BBS9: variants seen among roughly 807,000 people sequenced by gnomAD.
BBS9 encodes Bardet-Biedl syndrome 9.
Under a neutral mutation model 117.7 loss-of-function variants are expected in BBS9, and 89 were observed. The ratio of observed to expected loss-of-function variants is 0.76; its 90% CI spans 0.64 to 0.90. The LOEUF is 0.90. BBS9 is among the 40% of genes least tolerant of loss of function. The pLI is 0.00. For synonymous variants in BBS9, 379 were observed against 370.9 expected (o/e 1.02, Z -0.25); for missense variants, 982 against 1,042.2 (o/e 0.94, Z 0.80).
At chr7:33,304,679 C>T (rs906252040) in intron 9 of BBS9, among the ~76,000 whole-genome samples, 16 of 151,832 alleles carry the variant, frequency 1.1e-4, no homozygotes, top group African/African-American at 2.7e-4. Context: ...ATGACGATGG[C>T]GGTTTTGTCG....
intron 17 of BBS9, among the ~76,000 whole-genome samples, chr7:33,369,118 C>T (rs184728869): frequency 1.3e-5 from 2 of 152,158 alleles, no homozygotes; most frequent in African/African-American, 4.8e-5. Context: ...ACTGTAAGTA[C>T]ATAGCACCAT....
chr7:33,561,401 C>CA (rs1400604840), intron 21 of BBS9, among the ~76,000 whole-genome samples: 1 of 152,150 alleles, frequency 6.6e-6, no homozygotes, highest in Non-Finnish European at 1.5e-5. Context: ...CAAGATAGCT[C>CA]AAAGGATGGA....
intron 9 of BBS9, among the ~76,000 whole-genome samples, chr7:33,294,112 A>G (rs989661799): frequency 1.2e-4 from 19 of 152,180 alleles, no homozygotes; most frequent in African/African-American, 4.3e-4. Flanking sequence ...AGCCAGTACA[A>G]ATAATTTATT....
At chr7:33,557,464 T>C (rs577748196) in intron 21 of BBS9, among the ~76,000 whole-genome samples, 2 of 152,310 alleles carry the variant, frequency 1.3e-5, no homozygotes, top group Admixed American at 6.5e-5. Context: ...AAAGGTACCA[T>C]ACTTTGATTT....
chr7:33,232,538 A>G (rs921550448), intron 5 of BBS9, among the ~76,000 whole-genome samples: 6 of 152,076 alleles, frequency 3.9e-5, no homozygotes, highest in Non-Finnish European at 5.9e-5. Flanking sequence ...TTAAGAAAAT[A>G]AAGATGCTAG....
chr7:33,308,061 G>A (rs1423893142), intron 9 of BBS9, among the ~76,000 whole-genome samples: 1 of 152,158 alleles, frequency 6.6e-6, no homozygotes, highest in Non-Finnish European at 1.5e-5. Context: ...GGCTGGGATT[G>A]GGATTTCATT....
chr7:33,236,374 A>T (rs1057478546), intron 5 of BBS9, among the ~76,000 whole-genome samples: 2 of 151,440 alleles, frequency 1.3e-5, no homozygotes, highest in Non-Finnish European at 2.9e-5. Flanking sequence ...TTAAATGAAT[A>T]CAAAACAATT....
chr7:33,560,144 T>C (rs1029024006), intron 21 of BBS9, among the ~76,000 whole-genome samples: 7 of 152,196 alleles, frequency 4.6e-5, no homozygotes, highest in African/African-American at 1.4e-4. Context: ...ATGTGTTTTG[T>C]GGCTTTGGTA....
At chr7:33,621,269 G>C (rs776987904) in intron 21 of BBS9, among the ~76,000 whole-genome samples, 28 of 152,108 alleles carry the variant, frequency 1.8e-4, no homozygotes, top group Admixed American at 3.9e-4. Context: ...ACAACCTATG[G>C]AATGGGGAAA....
At chr7:33,541,744 T>A (rs1340139767) in intron 21 of BBS9, among the ~76,000 whole-genome samples, 1 of 152,160 alleles carries the variant, frequency 6.6e-6, no homozygotes, top group South Asian at 2.1e-4. Context: ...ATGTCCAGAA[T>A]AGGCAAATTC....
intron 9 of BBS9, among the ~76,000 whole-genome samples, chr7:33,291,135 G>C (rs1463961858): frequency 6.6e-6 from 1 of 151,920 alleles, no homozygotes; most frequent in African/African-American, 2.4e-5. Context: ...TTTCTGTTTT[G>C]ATATTTTTAT....
chr7:33,130,384 A>G (rs1789395103), intron 1 of BBS9, among the ~76,000 whole-genome samples: 1 of 152,196 alleles, frequency 6.6e-6, no homozygotes, highest in Non-Finnish European at 1.5e-5. Flanking sequence ...AATACCCCCA[A>G]TCCTTCTAGT....
At chr7:33,584,435 C>T (rs1231172866) in intron 21 of BBS9, among the ~76,000 whole-genome samples, 3 of 152,086 alleles carry the variant, frequency 2.0e-5, no homozygotes, top group East Asian at 3.9e-4. Context: ...GTCTGCTTTA[C>T]TTATAAATTT....
intron 21 of BBS9, among the ~76,000 whole-genome samples, chr7:33,565,195 T>A (rs1856662576): frequency 6.6e-6 from 1 of 152,192 alleles, no homozygotes; most frequent in Non-Finnish European, 1.5e-5. Flanking sequence ...CATTGTCTTC[T>A]GTCCTTCCTA....
intron 5 of BBS9, among the ~76,000 whole-genome samples, chr7:33,224,086 T>C (rs2128243487): frequency 6.6e-6 from 1 of 152,304 alleles, no homozygotes; most frequent in African/African-American, 2.4e-5. Context: ...TTAGTCAGAT[T>C]TGTATTTTTA....
At chr7:33,253,551 G>A (rs1428518370) in intron 5 of BBS9, among the ~76,000 whole-genome samples, 4 of 152,170 alleles carry the variant, frequency 2.6e-5, no homozygotes, top group African/African-American at 9.7e-5. Flanking sequence ...GGAGGAGGTT[G>A]CAGTGAGCCA....
At chr7:33,283,860 C>T (rs952360176) in intron 9 of BBS9, among the ~76,000 whole-genome samples, 1 of 152,126 alleles carries the variant, frequency 6.6e-6, no homozygotes, top group Non-Finnish European at 1.5e-5. Context: ...TTCACCTTCT[C>T]ACTCTGTTTA....
chr7:33,348,394 T>A (rs1250698869), intron 12 of BBS9, among the ~76,000 whole-genome samples: 1 of 152,236 alleles, frequency 6.6e-6, no homozygotes, highest in African/African-American at 2.4e-5. Context: ...TCATTAATGT[T>A]ATTCATAATG....
At chr7:33,522,505 G>C (rs1848783298) in intron 20 of BBS9, among the ~76,000 whole-genome samples, 1 of 152,048 alleles carries the variant, frequency 6.6e-6, no homozygotes, top group Non-Finnish European at 1.5e-5. Context: ...CAGTGATGAT[G>C]AGCATTTTTT....
Sources: gnomAD v4.1 joint callset for allele counts (sites outside exome capture counted in the v4.1 genomes callset) on GRCh38, gnomAD v4.1.1 for gene constraint, MANE v1.5 for transcripts, NCBI Gene and HGNC (gene_info 2026-07-23, HGNC 2026-07-21) for gene names.